Variants in EIF2B3 observed in about 807,000 individuals in gnomAD.
EIF2B3 encodes the protein translation initiation factor eIF2B subunit gamma.
A neutral mutation model predicts 54.1 loss-of-function variants in EIF2B3; 20 were observed. The observed-to-expected ratio is 0.37, with a 90% CI of 0.26 to 0.54. The LOEUF is 0.54. Among genes scored for constraint, EIF2B3 ranks in the 20% least tolerant of loss-of-function variants. The pLI is 0.86. For missense variants in EIF2B3, 448 were observed against 547.8 expected, an observed-to-expected ratio of 0.82 and a Z score of 1.82; for synonymous variants, 153 against 188.1, an observed-to-expected ratio of 0.81 and a Z score of 1.52.
chr1:44,897,722 C>A (rs1656020108), intron 5 of EIF2B3, among the ~76,000 whole-genome samples: 2 of 150,166 alleles, frequency 1.3e-5, no homozygotes, highest in South Asian at 2.1e-4. Context: ...CTACCTTCTT[C>A]TATTTGATCG....
chr1:44,907,856 C>G (rs1489306004), intron 5 of EIF2B3, among the ~76,000 whole-genome samples: 1 of 141,468 alleles, frequency 7.1e-6, no homozygotes, highest in African/African-American at 2.7e-5. Context: ...CGCCATTGCA[C>G]TCCAGTCTGG....
chr1:44,873,097 C>T (rs79975984), intron 10 of EIF2B3, among the ~76,000 whole-genome samples: 1,835 of 152,238 alleles, frequency 0.012, 41 homozygotes, highest in African/African-American at 0.042. Flanking sequence ...CGAATTATGT[C>T]GCTTATTTTT....
At chr1:44,977,005 T>C (rs1007116433) in intron 3 of EIF2B3, among the ~76,000 whole-genome samples, 1 of 152,220 alleles carries the variant, frequency 6.6e-6, no homozygotes, top group South Asian at 2.1e-4. Context: ...GTATAAATTA[T>C]TCCTCAATAA....
intron 6 of EIF2B3, among the ~76,000 whole-genome samples, chr1:44,890,764 C>A (rs1655769554): frequency 1.3e-5 from 2 of 152,180 alleles, no homozygotes; most frequent in African/African-American, 4.8e-5. Context: ...TCATCCAAAA[C>A]TGTCAAACTA....
At chr1:44,986,199 G>C (rs1294345896) in intron 1 of EIF2B3, among the ~76,000 whole-genome samples, 1 of 151,212 alleles carries the variant, frequency 6.6e-6, no homozygotes, top group Non-Finnish European at 1.5e-5. Flanking sequence ...GAGTGCAGTG[G>C]CGCGAATTAG....
At chr1:44,927,407 C>G (rs1643864713) in intron 4 of EIF2B3, among the ~76,000 whole-genome samples, 1 of 151,896 alleles carries the variant, frequency 6.6e-6, no homozygotes, top group Non-Finnish European at 1.5e-5. Context: ...GGGAGAGATG[C>G]CATACACCTT....
Position 44,869,281 on chromosome 1 carries a change from T to C in EIF2B3, c.1202+5397A>G, listed in dbSNP as rs139084185. Among the ~76,000 whole-genome samples, 37 of 152,082 alleles carry C rather than the reference T, an allele frequency of 2.4e-4. No individual in the cohort carries two copies. In the East Asian group the frequency reaches 7.2e-3, roughly 30 times the overall value. On this transcript the variant is annotated intron_variant, in intron 10 of 11. Transcript: ENST00000360403. ...TCACTTGAGGTCAGGAGTTCGTAAC[T>C]AACCTGGCCAACATGGTGAAACCCT...
At chr1:44,905,817 AT>A (rs916747814) in intron 5 of EIF2B3, among the ~76,000 whole-genome samples, 1 of 152,234 alleles carries the variant, frequency 6.6e-6, no homozygotes, top group African/African-American at 2.4e-5. Flanking sequence ...GACTAGCAAA[AT>A]TGATACATAA....
intron 7 of EIF2B3, among the ~76,000 whole-genome samples, chr1:44,880,592 C>T (rs1044270360): frequency 3.3e-5 from 5 of 152,114 alleles, no homozygotes; most frequent in African/African-American, 4.8e-5. Flanking sequence ...AGTTTTTCAG[C>T]TCTTACAACG....
chr1:44,862,439 C>G (rs1654637729), intron 10 of EIF2B3, among the ~76,000 whole-genome samples: 1 of 152,130 alleles, frequency 6.6e-6, no homozygotes, highest in Non-Finnish European at 1.5e-5. Context: ...GCACACCACA[C>G]TATACTATGT....
chr1:44,912,793 C>A (rs1643541138), intron 5 of EIF2B3, among the ~76,000 whole-genome samples: 2 of 152,150 alleles, frequency 1.3e-5, no homozygotes, highest in South Asian at 4.1e-4. Context: ...CTTTTCCATG[C>A]ATAATTGAAT....
intron 11 of EIF2B3, among the ~76,000 whole-genome samples, chr1:44,856,950 G>A (rs890372761): frequency 3.3e-5 from 5 of 152,060 alleles, no homozygotes; most frequent in African/African-American, 1.2e-4. Flanking sequence ...GACAACACGT[G>A]TGTGCCACTG....
chr1:44,939,267 T>C (rs893925434), intron 4 of EIF2B3, among the ~76,000 whole-genome samples: 3 of 152,170 alleles, frequency 2.0e-5, no homozygotes, highest in African/African-American at 7.2e-5. Context: ...TCTCCAGTCC[T>C]ATCTGCTTCT....
intron 1 of EIF2B3, among the ~76,000 whole-genome samples, chr1:44,984,106 G>C (rs537814906): frequency 1.3e-5 from 2 of 152,248 alleles, no homozygotes; most frequent in East Asian, 3.9e-4. Context: ...AGGAACCCGG[G>C]AGGCAGCAGC....
intron 3 of EIF2B3, among the ~76,000 whole-genome samples, chr1:44,977,094 C>T (rs906144635): frequency 6.6e-6 from 1 of 152,098 alleles, no homozygotes; most frequent in Non-Finnish European, 1.5e-5. Flanking sequence ...ATAACACATC[C>T]GTTTAATCAC....
intron 4 of EIF2B3, 92 bp downstream of exon 4, chr1:44,941,414 A>G: frequency 7.0e-7 from 1 of 1,423,048 alleles, no homozygotes; most frequent in South Asian, 1.4e-5. Context: ...GATGTATAGT[A>G]GATTCTTAAT....
rs1249540726 is a variant in EIF2B3 at position 44,907,348 on chromosome 1, AG to A, written c.567-9905del. ...GCCGAGGTGGGTGGATCACGAGGTC[AG>A]GGGATGGAGACCATCCTGGCCAACA... On this transcript the variant is annotated intron_variant, in intron 5 of 11. Coordinates refer to ENST00000360403, the MANE Select transcript of EIF2B3 (RefSeq NM_020365.5). Among the ~76,000 whole-genome samples, 5 of 151,244 alleles carry A rather than the reference AG, an allele frequency of 3.3e-5. No individual in the cohort carries two copies. In the East Asian group the frequency reaches 9.8e-4, roughly 30 times the overall value.
chr1:44,915,406 G>A (rs747695504), intron 5 of EIF2B3, among the ~76,000 whole-genome samples: 28 of 152,102 alleles, frequency 1.8e-4, no homozygotes, highest in East Asian at 5.8e-4. Context: ...CGAACTCCCC[G>A]GTAATTCCTC....
At chr1:44,921,071 G>A (rs1643729695) in intron 5 of EIF2B3, among the ~76,000 whole-genome samples, 1 of 152,054 alleles carries the variant, frequency 6.6e-6, no homozygotes, top group African/African-American at 2.4e-5. Context: ...CTCACTTTTG[G>A]ATAAAAGGCA....
Sources: gnomAD v4.1 joint callset for allele counts (sites outside exome capture counted in the v4.1 genomes callset) on GRCh38, gnomAD v4.1.1 for gene constraint, MANE v1.5 for transcripts, NCBI Gene and HGNC (gene_info 2026-07-23, HGNC 2026-07-21) for gene names.